The following PLEKHN1 variants were observed in gnomAD, a reference collection of about 807,000 sequenced individuals.
PLEKHN1 encodes pleckstrin homology domain containing N1.
In PLEKHN1, 68 loss-of-function variants were observed where a neutral mutation model predicts 72.8. The ratio of observed to expected loss-of-function variants is 0.93; its 90% CI spans 0.77 to 1.14. The LOEUF (loss-of-function observed/expected upper bound fraction) is 1.14. Among genes scored for constraint, PLEKHN1 ranks in the 50% most tolerant of loss-of-function variants. PLEKHN1 has a pLI of 0.00. For missense variants in PLEKHN1, 1,015 were observed against 840.5 expected (o/e 1.21, Z -2.57); for synonymous variants, 454 against 371.6 (o/e 1.22, Z -2.55).
In PLEKHN1 at chr1:973,587, A is replaced by G; in HGVS notation, c.1381A>G (p.Thr461Ala). The change falls in exon 13 of 16, where the codon ACA becomes GCA. Residue 461 changes from threonine to alanine, a missense_variant. Thr to Ala is a moderately conservative substitution (Grantham distance 58). Coordinates refer to ENST00000379410, the MANE Select transcript of PLEKHN1 (RefSeq NM_032129.3). The stretch of plus-strand genomic sequence containing the variant: ...CTCGCCCCTCTATGCCGACCCCTAC[A>G]CACCACCCGCCACCTCCCACCGCAG... ...SHSPLYADPYTPPATSHRRVT... is the reference protein window; with the variant it reads ...SHSPLYADPYAPPATSHRRVT... The G allele has an allele frequency of 6.2e-7, 1 of 1,613,106 alleles. No individual in the cohort carries two copies. Among genetic ancestry groups the G allele is most frequent in the Non-Finnish European group, 8.5e-7 (1 of 1,179,908 alleles).
intron 12 of PLEKHN1, 44 bp downstream of exon 12, chr1:973,370 G>T (rs373382356): frequency 1.3e-6 from 2 of 1,556,826 alleles, no homozygotes; most frequent in Non-Finnish European, 8.7e-7. Flanking sequence ...GGTTCCCACC[G>T]TTCCGCACCA....
chr1:974,664 T>G lies in PLEKHN1; in HGVS notation c.*89T>G. Reference sequence around the variant, plus strand: ...ACCCACTTCAAATTACAAGTCAGGGTCTGAACCCAGTGTGATGGGGGGAGT... The same window carrying G: ...ACCCACTTCAAATTACAAGTCAGGGGCTGAACCCAGTGTGATGGGGGGAGT... On this transcript the variant is annotated 3_prime_UTR_variant, in exon 16 of 16. Transcript: ENST00000379410. 10 of 1,471,378 alleles carry G rather than the reference T, an allele frequency of 6.8e-6. No homozygotes were observed. Among genetic ancestry groups the G allele is most frequent in the Non-Finnish European group, 9.1e-6 (10 of 1,103,774 alleles). 91.1% of individuals were successfully genotyped at this position (1,471,378 alleles called of 1,614,324 possible).
chr1:971,155 G>A lies in PLEKHN1; in HGVS notation c.655G>A (p.Gly219Ser), dbSNP rs777712614. Reference sequence around the variant, plus strand: ...GCGGACGGCGTCAGGGCACGAACCCGGCGGCAGTGCTGTCTGTGCCTCGAG... The same window carrying A: ...GCGGACGGCGTCAGGGCACGAACCCAGCGGCAGTGCTGTCTGTGCCTCGAG... ...RLRTASGHEP[G>S]GSAVCASRVK... Residue 219 changes from glycine (G) to serine (S), a missense_variant, in exon 7 of 16, where the codon GGC becomes AGC. Coordinates refer to ENST00000379410, the MANE Select transcript of PLEKHN1 (RefSeq NM_032129.3). 22 of 1,599,786 alleles carry A rather than the reference G, an allele frequency of 1.4e-5. No individual in the cohort carries two copies. The highest frequency in any genetic ancestry group is 4.5e-5 in the South Asian group (4 of 88,790).
rs771197231 is a variant in PLEKHN1 at position 970,728 on chromosome 1, G to A, written c.454G>A (p.Gly152Arg). The change falls in exon 5 of 16, where the codon GGG becomes AGG. Residue 152 changes from glycine (G) to arginine (R), a missense_variant. Gly to Arg is a moderately radical substitution (Grantham distance 125, BLOSUM62 -2). Transcript: ENST00000379410. This position sits in a 1 kb window ranked among gnomAD's most constrained non-coding sequence, Gnocchi z 4.2. ...LTELSVCPLE[G>R]SREHAFQITG... ...GGAGCTGAGTGTCTGCCCGCTCGAG[G>A]GGTCCCGAGAGCACGCCTTCCAGAT... is the stretch of plus-strand genomic sequence containing the variant. 13 of 1,605,166 alleles carry A rather than the reference G, an allele frequency of 8.1e-6. No homozygotes were observed. The highest frequency in any genetic ancestry group is 3.3e-4 in the Middle Eastern group (2 of 6,030).
In PLEKHN1 at chr1:966,893, C is replaced by T. The variant is rs1437558941; in HGVS notation, c.183+90C>T. 5.0e-6 allele frequency: 7 copies of T among 1,389,660 alleles called. No homozygotes were observed. The Admixed American group carries it at 7.1e-5, about 14-fold the overall frequency. 86.1% of individuals were successfully genotyped at this position (1,389,660 alleles called of 1,614,324 possible). On this transcript the variant is annotated intron_variant, in intron 2 of 15. Coordinates refer to ENST00000379410, the MANE Select transcript of PLEKHN1 (RefSeq NM_032129.3). ...GTGTCCGTGCAGCTCAGGGTCTTCC[C>T]CTCGCCCCCGGGGCGTTCAGACCCC...
chr1:967,371 T>C (rs2100447199), intron 2 of PLEKHN1, among the ~76,000 whole-genome samples: 1 of 37,302 alleles, frequency 2.7e-5, no homozygotes, highest in South Asian at 1.5e-3. Flanking sequence ...ACCACCCCCA[T>C]GCCCACCCCC....
At chr1:967,091 GTC>G (rs1369170197) in intron 2 of PLEKHN1, among the ~76,000 whole-genome samples, 2 of 152,234 alleles carry the variant, frequency 1.3e-5, no homozygotes, top group Non-Finnish European at 1.5e-5. Flanking sequence ...CAGCGCACGT[GTC>G]TCTGTCGCTG....
intron 2 of PLEKHN1, among the ~76,000 whole-genome samples, chr1:967,058 C>T (rs188434825): frequency 6.6e-4 from 100 of 152,302 alleles, no homozygotes; most frequent in Admixed American, 2.0e-3. Flanking sequence ...CGGGGCCTCC[C>T]GGGACCTCCT....
At chr1:969,816 T>C (rs1396650322) in intron 2 of PLEKHN1, among the ~76,000 whole-genome samples, 4 of 152,130 alleles carry the variant, frequency 2.6e-5, no homozygotes, top group Admixed American at 1.3e-4. Context: ...TGTGCGCATA[T>C]ATGGATGCAT....
chr1:974,520 A>T lies in PLEKHN1; in HGVS notation c.1781A>T (p.Lys594Met). 1 of 1,612,596 alleles carries T rather than the reference A, an allele frequency of 6.2e-7. No individual in the cohort carries two copies. The highest frequency in any genetic ancestry group is 2.2e-5 in the East Asian group (1 of 44,856). Residue 594 changes from lysine to methionine, a missense_variant, in exon 16 of 16, where the codon AAG becomes ATG. Coordinates refer to ENST00000379410, the MANE Select transcript of PLEKHN1 (RefSeq NM_032129.3). ...GAGACTTTGTCTTCCTCCCACCAGA[A>T]GTGCCCCCAGCTTGGAGGGCCTGAG... ...WDETLSSSHQ[K>M]CPQLGGPEAS...
rs772258558 is a variant in PLEKHN1 at position 970,310 on chromosome 1, C to A, written c.217C>A (p.Leu73Met). 6.2e-7 allele frequency: 1 copy of A among 1,613,408 alleles called. No homozygotes were observed. The highest frequency in any genetic ancestry group is 2.2e-5 in the East Asian group (1 of 44,876). ...ILDLENQREN[L>M]EQPFLSVFKK... ...GGACCTGGAGAACCAGCGAGAAAAC[C>A]TGGAGCAGCCATTCCTGAGTGTGTT... The change falls in exon 3 of 16, where the codon CTG (leucine) becomes ATG (methionine). Residue 73 changes from leucine (L) to methionine (M), a missense_variant. By Grantham distance (15) the Leu-to-Met change is conservative. Coordinates refer to ENST00000379410, the MANE Select transcript of PLEKHN1 (RefSeq NM_032129.3). This position sits in a 1 kb window ranked among gnomAD's most constrained non-coding sequence, Gnocchi z 4.2.
Position 966,623 on chromosome 1 carries a change from G to A in PLEKHN1, c.83+9G>A, listed in dbSNP as rs1642991861. 2.5e-6 allele frequency: 4 copies of A among 1,606,210 alleles called. No individual in the cohort carries two copies. The highest frequency in any genetic ancestry group is 2.2e-5 in the East Asian group (1 of 44,648). ...TCGCTGAAGGGAAACAGGTGAGCGG[G>A]GCGTGGGTGCGGCCACCTGGGCGCA... On this transcript the variant is annotated intron_variant, in intron 1 of 15. Transcript: ENST00000379410.
rs145015690 is a variant in PLEKHN1 at position 973,289 on chromosome 1, G to A, written c.1256G>A (p.Arg419His). ...SPGSKARAEG[R>H]GPVTPLHLDL... ...GGGAGCAAGGCCCGGGCAGAGGGCC[G>A]CGGCCCTGTCACCCCACTGCACCTG... Residue 419 changes from arginine to histidine, a missense_variant, in exon 12 of 16, where the codon CGC (arginine) becomes CAC (histidine). Physicochemically the swap from Arg to His is conservative, Grantham distance 29 (BLOSUM62 0). Coordinates refer to ENST00000379410, the MANE Select transcript of PLEKHN1 (RefSeq NM_032129.3). 1.9e-3 allele frequency: 2,892 copies of A among 1,541,424 alleles called. 15 individuals carry two copies. The highest frequency in any genetic ancestry group is 1.8e-3 in the East Asian group (72 of 40,890).
chr1:966,625 C>A lies in PLEKHN1; in HGVS notation c.83+11C>A. 1 of 1,605,578 alleles carries A rather than the reference C, an allele frequency of 6.2e-7. No individual in the cohort carries two copies. Among genetic ancestry groups the A allele is most frequent in the Non-Finnish European group, 8.5e-7 (1 of 1,175,480 alleles). On this transcript the variant is annotated intron_variant, in intron 1 of 15. Transcript: ENST00000379410. ...GCTGAAGGGAAACAGGTGAGCGGGGCGTGGGTGCGGCCACCTGGGCGCAGG... is the reference window on the plus strand; with the variant it reads ...GCTGAAGGGAAACAGGTGAGCGGGGAGTGGGTGCGGCCACCTGGGCGCAGG...
chr1:971,345 G>T lies in PLEKHN1; in HGVS notation c.730G>T (p.Val244Phe), dbSNP rs1181585104. The T allele has an allele frequency of 1.9e-6, 3 of 1,586,532 alleles. No individual in the cohort carries two copies. Among genetic ancestry groups the T allele is most frequent in the East Asian group, 2.3e-5 (1 of 43,468 alleles). Residue 244 changes from valine to phenylalanine, a missense_variant, in exon 8 of 16, where the codon GTC (valine) becomes TTC (phenylalanine). Physicochemically the swap from Val to Phe is conservative, Grantham distance 50. Coordinates refer to ENST00000379410, the MANE Select transcript of PLEKHN1 (RefSeq NM_032129.3). ...CCAGGAGCAGTGGGACCGGCTCTTGGTCCTGTACCCAACGTCCTTGGCCAT... is the reference window on the plus strand; with the variant it reads ...CCAGGAGCAGTGGGACCGGCTCTTGTTCCTGTACCCAACGTCCTTGGCCAT... ...PAQEQWDRLL[V>F]LYPTSLAIFS...
At chr1:969,863 GCGTGTA>G (rs1355104114) in intron 2 of PLEKHN1, among the ~76,000 whole-genome samples, 1 of 152,116 alleles carries the variant, frequency 6.6e-6, no homozygotes, top group African/African-American at 2.4e-5. Context: ...GGGTGTGTGT[GCGTGTA>G]CGTGTACACG....
In PLEKHN1 at chr1:970,742, C is replaced by G. The variant is rs41285812; in HGVS notation, c.468C>G (p.His156Gln). Residue 156 changes from histidine to glutamine, a missense_variant, in exon 5 of 16, where the codon CAC becomes CAG. By Grantham distance (24) the His-to-Gln change is conservative (BLOSUM62 0). Coordinates refer to ENST00000379410, the MANE Select transcript of PLEKHN1 (RefSeq NM_032129.3). The surrounding 1 kb of genome is among the most constrained non-coding windows in gnomAD (Gnocchi z 4.2). ...GCCCGCTCGAGGGGTCCCGAGAGCA[C>G]GCCTTCCAGATCACAGGTGTTTGGG... ...SVCPLEGSRE[H>Q]AFQITGPLPA... 4 of 1,609,720 alleles carry G rather than the reference C, an allele frequency of 2.5e-6. No individual in the cohort carries two copies. The highest frequency in any genetic ancestry group is 1.7e-5 in the Admixed American group (1 of 59,828).
intron 7 of PLEKHN1, 56 bp from the exon 8 acceptor site, chr1:971,268 G>A: frequency 3.9e-6 from 6 of 1,555,736 alleles, no homozygotes; most frequent in Non-Finnish European, 5.2e-6. Context: ...GGTGGGCAGG[G>A]CGGTGCAACA....
chr1:975,209 G>A lies in PLEKHN1; in HGVS notation c.*634G>A, dbSNP rs1443805892. The A allele has an allele frequency of 6.6e-6, 1 of 152,580 alleles. No homozygotes were observed. Among genetic ancestry groups the A allele is most frequent in the Non-Finnish European group, 1.5e-5 (1 of 68,346 alleles). 9.5% of individuals were successfully genotyped at this position (152,580 alleles called of 1,614,324 possible). A position where few individuals can be genotyped will look rare whatever the true frequency, so the allele number is the denominator to read the frequency against. ...AGAAAAGGAAGAAAGAAAAAGAAAA[G>A]ATAGAATTTTATTGGTGCTGCATCC... On this transcript the variant is annotated 3_prime_UTR_variant, in exon 16 of 16. Transcript: ENST00000379410.
Sources: allele counts gnomAD v4.1 joint callset (sites outside exome capture counted in the v4.1 genomes callset), GRCh38; gene constraint gnomAD v4.1.1; non-coding constraint Gnocchi (gnomAD v3.1); transcripts MANE v1.5; gene names NCBI Gene and HGNC (gene_info 2026-07-23, HGNC 2026-07-21).